Variants in MCF2L observed in about 807,000 individuals in gnomAD.
The protein encoded by MCF2L is MCF.2 cell line derived transforming sequence like, also known as guanine nucleotide exchange factor DBS.
MCF2L carries 97 observed loss-of-function variants against 153.4 expected under a neutral mutation model. That is an observed-to-expected ratio of 0.63 (90% CI 0.54 to 0.75). MCF2L has a LOEUF of 0.75. Ranked by LOEUF, MCF2L falls within the 30% of genes least tolerant of loss-of-function variation. The pLI is 0.00. For missense variants in MCF2L, 1,347 were observed against 1,495.2 expected (o/e 0.90, Z 1.64); for synonymous variants, 659 against 632.2 (o/e 1.04, Z -0.64).
intron 2 of MCF2L, among the ~76,000 whole-genome samples, chr13:112,929,353 C>T (rs2081438920): frequency 6.6e-6 from 1 of 152,224 alleles, no homozygotes; most frequent in Non-Finnish European, 1.5e-5. Context: ...GCGGTTTGTT[C>T]AACTTCGTGG....
At chr13:113,086,587 G>A (rs373935219) in intron 21 of MCF2L, among the ~76,000 whole-genome samples, 5 of 152,174 alleles carry the variant, frequency 3.3e-5, no homozygotes, top group Admixed American at 2.0e-4. Context: ...CGGAGCAGAC[G>A]TGACTTCTGT....
At chr13:113,065,297 A>C (rs998437847) in intron 7 of MCF2L, 16 of 591,146 alleles carry the variant, frequency 2.7e-5, no homozygotes, top group Non-Finnish European at 2.7e-5. Context: ...AAAGGAGTGT[A>C]AATGAACCCT....
intron 2 of MCF2L, among the ~76,000 whole-genome samples, chr13:113,015,512 G>A (rs937480599): frequency 9.9e-5 from 15 of 152,140 alleles, no homozygotes; most frequent in Non-Finnish European, 1.6e-4. Context: ...CCCCGATGCC[G>A]AGGACGCGGT....
intron 25 of MCF2L, 110 bp downstream of exon 25, chr13:113,088,738 G>A (rs1395021128): frequency 1.7e-6 from 2 of 1,180,856 alleles, no homozygotes; most frequent in Non-Finnish European, 2.4e-6. Context: ...GGTTATTGGG[G>A]TTTTCCTTGA....
chr13:112,907,018 T>G lies in MCF2L; in HGVS notation c.169+4647T>G, dbSNP rs2081179606. On this transcript the variant is annotated intron_variant, in intron 2 of 29. Transcript: ENST00000375608. This position sits in a 1 kb window ranked among gnomAD's most constrained non-coding sequence, Gnocchi z 5.1. ...AGAGCAGCGAAGAAACAGACACATT[T>G]GCCGCCTTGGGTGGAGTCGCGACAT... Among the ~76,000 whole-genome samples the G allele has an allele frequency of 6.6e-6, 1 of 152,192 alleles. No individual in the cohort carries two copies. Among genetic ancestry groups the G allele is most frequent in the South Asian group, 2.1e-4 (1 of 4,822 alleles).
intron 27 of MCF2L, chr13:113,096,007 A>C: frequency 2.7e-6 from 1 of 373,536 alleles, no homozygotes; most frequent in Non-Finnish European, 4.8e-6. Flanking sequence ...CGAGTCGGGG[A>C]GTACCAAGGA....
In MCF2L at chr13:112,907,084, C is replaced by T. The variant is rs186868608; in HGVS notation, c.169+4713C>T. On this transcript the variant is annotated intron_variant, in intron 2 of 29. Transcript: ENST00000375608. The surrounding 1 kb of genome is among the most constrained non-coding windows in gnomAD (Gnocchi z 5.1). ...AGAAGCCTTGGAGCATGGATGATTC[C>T]ATGGCTGGACCTAATACTTCCATGC... Among the ~76,000 whole-genome samples, 222 of 152,252 alleles carry T rather than the reference C, an allele frequency of 1.5e-3. No homozygotes were observed. Among genetic ancestry groups the T allele is most frequent in the Middle Eastern group, 3.4e-3 (1 of 294 alleles).
intron 12 of MCF2L, 96 bp downstream of exon 12, chr13:113,076,253 T>G (rs1178914485): frequency 1.1e-6 from 1 of 876,158 alleles, no homozygotes; most frequent in Non-Finnish European, 1.6e-6. Context: ...AATGAATTAT[T>G]TGTATTTATT....
intron 1 of MCF2L, among the ~76,000 whole-genome samples, chr13:112,996,352 A>G (rs1174468411): frequency 6.6e-6 from 1 of 152,148 alleles, no homozygotes; most frequent in Non-Finnish European, 1.5e-5. Context: ...GACTTTAGAG[A>G]GTTTCTGACA....
At chr13:113,048,437 CTTT>C (rs35857164) in intron 4 of MCF2L, among the ~76,000 whole-genome samples, 3 of 104,170 alleles carry the variant, frequency 2.9e-5, no homozygotes, top group Non-Finnish European at 1.8e-5. Flanking sequence ...AATTTACGGT[CTTT>C]TTTTTTTTTT....
In MCF2L at chr13:113,074,512, G is replaced by A. The variant is rs769937358; in HGVS notation, c.1065G>A (p.Ala355=). The change falls in exon 10 of 30, where the codon GCG becomes GCA. Residue 355 remains alanine, a synonymous_variant. Transcript: ENST00000535094. The surrounding 1 kb of genome is among the most constrained non-coding windows in gnomAD (Gnocchi z 4.2). ...TCACAGACATCGGCAACAGCCTGGCGCATGTGGAGCACCTGCTGAGGGACC... is the reference window on the plus strand; with the variant it reads ...TCACAGACATCGGCAACAGCCTGGCACATGTGGAGCACCTGCTGAGGGACC... The part of the protein sequence containing the change: ...ATFTDIGNSL[A]HVEHLLRDLA... The A allele has an allele frequency of 8.7e-6, 14 of 1,613,972 alleles. No individual in the cohort carries two copies. Among genetic ancestry groups the A allele is most frequent in the East Asian group, 2.2e-5 (1 of 44,894 alleles).
At chr13:113,037,578 A>T (rs372593107) in intron 3 of MCF2L, among the ~76,000 whole-genome samples, 11 of 152,222 alleles carry the variant, frequency 7.2e-5, no homozygotes, top group African/African-American at 2.7e-4. Context: ...GCTCTAATAG[A>T]GTATCTTGTA....
intron 4 of MCF2L, among the ~76,000 whole-genome samples, chr13:113,048,058 T>A (rs1253940467): frequency 6.6e-6 from 1 of 152,242 alleles, no homozygotes; most frequent in Non-Finnish European, 1.5e-5. Context: ...AAAAATCATT[T>A]TCTAAAAGCA....
At chr13:112,981,629 T>A (rs2082429800) in intron 1 of MCF2L, among the ~76,000 whole-genome samples, 1 of 152,210 alleles carries the variant, frequency 6.6e-6, no homozygotes, top group African/African-American at 2.4e-5. Context: ...TCTGGGTCCC[T>A]GGGCCTGCGA....
At chr13:113,077,884 C>T (rs1191723101) in intron 13 of MCF2L, among the ~76,000 whole-genome samples, 7 of 152,230 alleles carry the variant, frequency 4.6e-5, no homozygotes, top group Non-Finnish European at 8.8e-5. Context: ...TCAGGGGCCC[C>T]GGGGGCCAGG....
rs964617 is a variant in MCF2L, at chr13:113,099,215, C to T, written c.*2356C>T. The T allele has an allele frequency of 0.24, 36,433 of 152,064 alleles. 4,677 individuals are homozygous for T. Among genetic ancestry groups the T allele is most frequent in the East Asian group, 0.45 (2,301 of 5,170 alleles). The allele number at this position is 152,064 out of a possible 1,614,324, so 9.4% of individuals were successfully genotyped here. A position where few individuals can be genotyped will look rare whatever the true frequency, so the allele number is the denominator to read the frequency against. On this transcript the variant is annotated 3_prime_UTR_variant, in exon 30 of 30. Coordinates refer to ENST00000535094, the MANE Select transcript of MCF2L (RefSeq NM_001112732.3). ...AAGCCACTGACTATAAAGCTCAAAA[C>T]ACAGCAAAGTTGGCAGTCGGCAGAC... is the stretch of plus-strand genomic sequence containing the variant.
At chr13:112,915,410 C>CCAAAAAAAAAAAAAAAAAAAAAA (rs2081281143) in intron 2 of MCF2L, among the ~76,000 whole-genome samples, 2 of 86,924 alleles carry the variant, frequency 2.3e-5, no homozygotes, top group African/African-American at 1.1e-4. Context: ...CTCTGTCTCA[C>CCAAAAAAAAAAAAAAAAAAAAAA]AAAAAAAAAA....
chr13:113,094,829 A>C, intron 27 of MCF2L, 194 bp downstream of exon 27: 2 of 1,062,430 alleles, frequency 1.9e-6, no homozygotes, highest in Non-Finnish European at 2.8e-6. Flanking sequence ...GTCCACCCAG[A>C]CCTGGGTCTT....
chr13:113,083,072 G>A (rs1420182194), intron 17 of MCF2L, among the ~76,000 whole-genome samples: 2 of 152,186 alleles, frequency 1.3e-5, no homozygotes, highest in African/African-American at 4.8e-5. Context: ...TGGCCTGTCC[G>A]GCCTCTTGTC....
Sources: allele counts gnomAD v4.1 joint callset (sites outside exome capture counted in the v4.1 genomes callset), GRCh38; gene constraint gnomAD v4.1.1; non-coding constraint Gnocchi (gnomAD v3.1); transcripts MANE v1.5; gene names NCBI Gene and HGNC (gene_info 2026-07-23, HGNC 2026-07-21).